PUM2: variants seen among roughly 807,000 people sequenced by gnomAD.
The protein encoded by PUM2 is pumilio RNA binding family member 2.
A neutral mutation model predicts 124.5 loss-of-function variants in PUM2; 57 were observed. The ratio of observed to expected loss-of-function variants is 0.46; its 90% CI spans 0.37 to 0.57. The LOEUF is 0.57. Among genes scored for constraint, PUM2 ranks in the 20% least tolerant of loss-of-function variants. The pLI is 0.00. For missense variants in PUM2, 1,065 were observed against 1,290.6 expected (o/e 0.83, Z 2.68); for synonymous variants, 460 against 446.1 (o/e 1.03, Z -0.39).
At chr2:20,316,119 TC>T (rs1277040242) in intron 3 of PUM2, among the ~76,000 whole-genome samples, 2 of 152,166 alleles carry the variant, frequency 1.3e-5, no homozygotes, top group Non-Finnish European at 2.9e-5. Flanking sequence ...ATATAATTTA[TC>T]TTTATATTCT....
At chr2:20,318,085 G>A (rs1000957515) in intron 3 of PUM2, among the ~76,000 whole-genome samples, 2 of 152,156 alleles carry the variant, frequency 1.3e-5, no homozygotes, top group African/African-American at 4.8e-5. Context: ...TGGTAATTCT[G>A]TTTTTACTTC....
chr2:20,298,889 C>T (rs1676294575), intron 7 of PUM2, among the ~76,000 whole-genome samples: 1 of 152,100 alleles, frequency 6.6e-6, no homozygotes, highest in African/African-American at 2.4e-5. Flanking sequence ...TTTTAAAAAG[C>T]ATTCAAAAGG....
chr2:20,319,436 T>G (rs537927123), intron 2 of PUM2, among the ~76,000 whole-genome samples: 1 of 152,204 alleles, frequency 6.6e-6, no homozygotes, highest in Non-Finnish European at 1.5e-5. Context: ...ACACCATCAC[T>G]CTCAACTCTT....
Position 20,338,397 on chromosome 2 carries a change from CAAAA to C in PUM2, c.-18-11023_-18-11020del, listed in dbSNP as rs550367822. ...GGGCGACAGAGCAAGACTCTTGTCT[CAAAA>C]AACAAAACAAAAAAAACACCTGGAC... On this transcript the variant is annotated intron_variant, in intron 1 of 20. Coordinates refer to ENST00000361078, the MANE Select transcript of PUM2 (RefSeq NM_015317.5). 3.0e-4 allele frequency among the ~76,000 whole-genome samples: 45 copies of C among 152,088 alleles called. 1 individual carries two copies. In the South Asian group the frequency reaches 8.7e-3, roughly 29 times the overall value.
At chr2:20,324,083 C>G (rs181132423) in intron 2 of PUM2, among the ~76,000 whole-genome samples, 1 of 152,120 alleles carries the variant, frequency 6.6e-6, no homozygotes, top group Non-Finnish European at 1.5e-5. Flanking sequence ...GCTATTTAAA[C>G]ACTATTTGAA....
chr2:20,277,837 ATTTC>A (rs542602734), intron 13 of PUM2, among the ~76,000 whole-genome samples: 103 of 152,284 alleles, frequency 6.8e-4, no homozygotes, highest in African/African-American at 2.4e-3. Flanking sequence ...TAAAAAAATA[ATTTC>A]TTTGACAAGA....
At chr2:20,350,403 G>T in intron 1 of PUM2, 194 bp downstream of exon 1, 1 of 849,788 alleles carries the variant, frequency 1.2e-6, no homozygotes, top group Non-Finnish European at 1.4e-6. Flanking sequence ...CCCCGCACGC[G>T]CACACCCCCT....
At chr2:20,298,982 C>T (rs906072929) in intron 7 of PUM2, among the ~76,000 whole-genome samples, 1 of 152,228 alleles carries the variant, frequency 6.6e-6, no homozygotes, top group Non-Finnish European at 1.5e-5. Context: ...AAGCTCCGCA[C>T]CCCTTCCTCC....
rs747193004 is a variant in PUM2, at chr2:20,312,387, C to A, written c.197G>T (p.Arg66Ile). The change falls in exon 4 of 21, where the codon AGA becomes ATA. Residue 66 changes from arginine to isoleucine, a missense_variant. By Grantham distance (97) the Arg-to-Ile change is moderately conservative (BLOSUM62 -3). Transcript: ENST00000361078. ...GTTTCCATGAAAACCCTGTCCAGAT[C>A]TTCTCTGTACCATAATAGGCTGGGA... ...SMSQPIMVQR[R>I]SGQGFHGNSE... is the part of the protein sequence containing the mutation. 2 of 1,613,740 alleles carry A rather than the reference C, an allele frequency of 1.2e-6. No individual in the cohort carries two copies. Among genetic ancestry groups the A allele is most frequent in the Admixed American group, 1.7e-5 (1 of 59,978 alleles).
At chr2:20,268,103 A>G (rs1668133813) in intron 13 of PUM2, among the ~76,000 whole-genome samples, 1 of 152,116 alleles carries the variant, frequency 6.6e-6, no homozygotes, top group South Asian at 2.1e-4. Context: ...ATTATTTTCT[A>G]CCCTCTGGGA....
intron 12 of PUM2, among the ~76,000 whole-genome samples, chr2:20,279,785 T>C (rs1671078398): frequency 6.6e-6 from 1 of 152,134 alleles, no homozygotes; most frequent in South Asian, 2.1e-4. Flanking sequence ...GTCTGGATAA[T>C]CAAATTCCAC....
intron 15 of PUM2, 115 bp from the exon 16 acceptor site, chr2:20,258,486 C>A (rs1665359819): frequency 2.1e-6 from 2 of 961,436 alleles, no homozygotes; most frequent in African/African-American, 1.7e-5. Context: ...AGGGCAGGGG[C>A]TTTAAGGTAG....
chr2:20,283,548 T>C (rs2148904225), intron 10 of PUM2, 62 bp from the exon 11 acceptor site: 1 of 1,504,470 alleles, frequency 6.6e-7, no homozygotes, highest in Non-Finnish European at 9.1e-7. Flanking sequence ...TATTTGTTTT[T>C]CCCTGCATTT....
At chr2:20,299,632 C>T (rs1208912584) in intron 7 of PUM2, among the ~76,000 whole-genome samples, 1 of 152,146 alleles carries the variant, frequency 6.6e-6, no homozygotes, top group Non-Finnish European at 1.5e-5. Flanking sequence ...CACACCACTG[C>T]AGTCCAGCCT....
chr2:20,332,512 T>C (rs532993692), intron 1 of PUM2, among the ~76,000 whole-genome samples: 1 of 151,690 alleles, frequency 6.6e-6, no homozygotes, highest in Non-Finnish European at 1.5e-5. Flanking sequence ...GAAGGAGAAA[T>C]TGGGCAAGAC....
rs1572502261 is a variant in PUM2, at chr2:20,251,256, T to C, written c.*329A>G. ...TGTACTTTTTCCTTTAAAAACTATTTTTGTGACTTTACAAGGTAAAAATTT... is the reference window on the plus strand; with the variant it reads ...TGTACTTTTTCCTTTAAAAACTATTCTTGTGACTTTACAAGGTAAAAATTT... On this transcript the variant is annotated 3_prime_UTR_variant, in exon 21 of 21. Transcript: ENST00000361078. 10 of 193,162 alleles carry C rather than the reference T, an allele frequency of 5.2e-5. 2 individuals carry two copies. In the South Asian group the frequency reaches 1.1e-3, roughly 22 times the overall value. 12.0% of individuals were successfully genotyped at this position (193,162 alleles called of 1,614,324 possible).
intron 10 of PUM2, among the ~76,000 whole-genome samples, chr2:20,286,123 T>C (rs1250022151): frequency 6.6e-6 from 1 of 152,130 alleles, no homozygotes; most frequent in Non-Finnish European, 1.5e-5. Flanking sequence ...AGGAAACCAT[T>C]AGAGTTTTGA....
chr2:20,270,267 C>T (rs930730241), intron 13 of PUM2, among the ~76,000 whole-genome samples: 22 of 152,152 alleles, frequency 1.4e-4, no homozygotes, highest in Non-Finnish European at 2.2e-4. Context: ...AGTTAACAAA[C>T]GAGCAAGCCA....
In PUM2 at chr2:20,331,210, C is replaced by T. The variant is rs575281058; in HGVS notation, c.-18-3832G>A. On this transcript the variant is annotated intron_variant, in intron 1 of 20. Transcript: ENST00000361078. ...GGATGAGAAATGGGAATAGAAGGAA[C>T]GAAAGGGTAGGGGATGAGAAACTTT... Among the ~76,000 whole-genome samples the T allele has an allele frequency of 4.0e-5, 6 of 151,124 alleles. 1 individual carries two copies. In the South Asian group the frequency reaches 1.1e-3, roughly 26 times the overall value.
Sources: gnomAD v4.1 joint callset for allele counts (sites outside exome capture counted in the v4.1 genomes callset) on GRCh38, gnomAD v4.1.1 for gene constraint, MANE v1.5 for transcripts, NCBI Gene and HGNC (gene_info 2026-07-23, HGNC 2026-07-21) for gene names.